KCNU1: variants seen among roughly 807,000 people sequenced by gnomAD.
KCNU1 encodes the protein potassium calcium-activated channel subfamily U member 1, also known as potassium channel subfamily U member 1.
A neutral mutation model predicts 126.8 loss-of-function variants in KCNU1; 93 were observed. The ratio of observed to expected loss-of-function variants is 0.73; its 90% CI spans 0.62 to 0.87. The LOEUF (loss-of-function observed/expected upper bound fraction) is 0.87, where lower values mean the gene tolerates loss of function less well. Among genes scored for constraint, KCNU1 ranks in the 40% least tolerant of loss-of-function variants. KCNU1 has a pLI of 0.00. For missense variants in KCNU1, 1,330 were observed against 1,367.1 expected, an observed-to-expected ratio of 0.97 and a Z score of 0.43; for synonymous variants, 523 against 494.2, an observed-to-expected ratio of 1.06 and a Z score of -0.77.
intron 14 of KCNU1, among the ~76,000 whole-genome samples, chr8:36,838,116 G>C (rs16885489): frequency 2.1e-3 from 324 of 152,290 alleles, no homozygotes; most frequent in African/African-American, 7.5e-3. Flanking sequence ...AGGGTGGAGG[G>C]AATGAGCCTT....
At chr8:36,904,495 T>G (rs1807544590) in intron 19 of KCNU1, among the ~76,000 whole-genome samples, 1 of 152,200 alleles carries the variant, frequency 6.6e-6, no homozygotes, top group East Asian at 1.9e-4. Flanking sequence ...TTTTGCACTT[T>G]GTTGGCTCTT....
At chr8:36,826,535 C>G (rs1804331340) in intron 10 of KCNU1, among the ~76,000 whole-genome samples, 1 of 152,054 alleles carries the variant, frequency 6.6e-6, no homozygotes, top group African/African-American at 2.4e-5. Context: ...CTTACCCTCT[C>G]TTTTGAACTT....
intron 3 of KCNU1, 25 bp downstream of exon 3, chr8:36,804,113 T>C: frequency 2.0e-6 from 3 of 1,471,200 alleles, no homozygotes; most frequent in Non-Finnish European, 2.8e-6. Flanking sequence ...CAGTCACACT[T>C]GTCTGCTATA....
chr8:36,850,736 C>A (rs1456762774), intron 18 of KCNU1, among the ~76,000 whole-genome samples: 2 of 152,204 alleles, frequency 1.3e-5, no homozygotes, highest in South Asian at 2.1e-4. Context: ...GGATTACAGG[C>A]ATGAGCCGAT....
intron 18 of KCNU1, among the ~76,000 whole-genome samples, chr8:36,849,121 C>A (rs1805253181): frequency 6.6e-6 from 1 of 152,148 alleles, no homozygotes; most frequent in Non-Finnish European, 1.5e-5. Flanking sequence ...ACTCTTCCTT[C>A]TCCTCAACCC....
chr8:36,931,277 G>T (rs1808695948), intron 25 of KCNU1, 132 bp downstream of exon 25: 3 of 508,578 alleles, frequency 5.9e-6, no homozygotes, highest in South Asian at 8.7e-5. Context: ...AACAAAAAAA[G>T]AATACAAGTT....
chr8:36,913,843 C>T (rs189545080), intron 22 of KCNU1, among the ~76,000 whole-genome samples: 66 of 152,020 alleles, frequency 4.3e-4, no homozygotes, highest in African/African-American at 1.4e-3. Flanking sequence ...CCTTGTGATC[C>T]GTCTGCCTCG....
rs371296183 is a variant in KCNU1 at position 36,845,660 on chromosome 8, A to C, written c.1784A>C (p.Asp595Ala). 121 of 1,601,532 alleles carry C rather than the reference A, an allele frequency of 7.6e-5. No homozygotes were observed. In the Middle Eastern group the frequency reaches 2.8e-3, roughly 37 times the overall value. ...TTCTTTATTGCTGAAACTCCAAAGG[A>C]CGTCAGAAGGTAATTTTATTATTTT... ...LGFFIAETPK[D>A]VRRALFYCSV... The change falls in exon 17 of 27, where the codon GAC becomes GCC. Residue 595 changes from aspartate (D) to alanine (A), a missense_variant. Physicochemically the swap from Asp to Ala is moderately radical, Grantham distance 126. Transcript: ENST00000399881.
At chr8:36,896,181 A>G (rs1055381412) in intron 19 of KCNU1, among the ~76,000 whole-genome samples, 5 of 151,962 alleles carry the variant, frequency 3.3e-5, no homozygotes, top group Non-Finnish European at 7.4e-5. Context: ...AATATCATCA[A>G]TGAATATTTA....
intron 19 of KCNU1, among the ~76,000 whole-genome samples, chr8:36,874,750 T>C (rs1425960750): frequency 6.6e-6 from 1 of 152,194 alleles, no homozygotes; most frequent in Non-Finnish European, 1.5e-5. Flanking sequence ...ATTTATACCT[T>C]TTAAAATAAA....
chr8:36,897,362 C>G (rs1230973560), intron 19 of KCNU1, among the ~76,000 whole-genome samples: 1 of 151,878 alleles, frequency 6.6e-6, no homozygotes, highest in Non-Finnish European at 1.5e-5. Context: ...ATGGCTGCAA[C>G]TAAGTACAAA....
intron 2 of KCNU1, among the ~76,000 whole-genome samples, chr8:36,794,051 C>G (rs1312274763): frequency 4.7e-5 from 5 of 106,984 alleles, no homozygotes; most frequent in Non-Finnish European, 8.6e-5. Context: ...GAGACTCTGT[C>G]TCTCAAAAAA....
Position 36,821,360 on chromosome 8 carries a change from C to T in KCNU1, c.1106+3600C>T, listed in dbSNP as rs571703551. 6.8e-4 allele frequency among the ~76,000 whole-genome samples: 104 copies of T among 152,322 alleles called. 1 individual carries two copies. Among genetic ancestry groups the T allele is most frequent in the African/African-American group, 2.5e-3 (102 of 41,584 alleles). ...TCAGTGCCCTCCGTTACAACCCCTA[C>T]CACTTTTGATGGGGCTTGCCTGTTG... On this transcript the variant is annotated intron_variant, in intron 10 of 26. Transcript: ENST00000399881.
At chr8:36,807,948 C>T (rs1347746096) in intron 6 of KCNU1, among the ~76,000 whole-genome samples, 1 of 152,160 alleles carries the variant, frequency 6.6e-6, no homozygotes, top group Non-Finnish European at 1.5e-5. Flanking sequence ...ACAATAAGAA[C>T]ACAATCCAAA....
Position 36,935,746 on chromosome 8 carries a change from C to G in KCNU1, c.3276C>G (p.Tyr1092Ter), listed in dbSNP as rs1228302087. 1 of 1,613,298 alleles carries G rather than the reference C, an allele frequency of 6.2e-7. No homozygotes were observed. The highest frequency in any genetic ancestry group is 1.3e-5 in the African/African-American group (1 of 74,868). ...TETLYSPVYS[Y>*]QPRTNSLSFP... ...CATTGTATTCACCAGTCTATTCTTA[C>G]CAGCCGAGAACTAACTCCCTCTCTT... Residue 1092 changes from tyrosine to a stop codon, truncating the protein, a stop_gained, in exon 27 of 27, where the codon TAC becomes TAG. Transcript: ENST00000399881. LOFTEE classifies it low-confidence loss of function (END_TRUNC).
intron 24 of KCNU1, among the ~76,000 whole-genome samples, chr8:36,929,387 C>CAAAAAAAAAAAAAAAAAAAAAAAAAAA (rs35835813): frequency 1.0e-5 from 1 of 99,306 alleles, no homozygotes; most frequent in African/African-American, 3.9e-5. Context: ...GACCCTGTCT[C>CAAAAAAAAAAAAAAAAAAAAAAAAAAA]AAAAAAAAAA....
At position 36,784,419 on chromosome 8, in the gene KCNU1, G is replaced by A. The variant is rs972794580; in HGVS notation, c.9G>A (p.Gln3=). 2 of 1,612,062 alleles carry A rather than the reference G, an allele frequency of 1.2e-6. No homozygotes were observed. Among genetic ancestry groups the A allele is most frequent in the East Asian group, 2.2e-5 (1 of 44,864 alleles). Residue 3 remains glutamine (Q), a synonymous_variant, in exon 1 of 27, where the codon CAG becomes CAA. Coordinates refer to ENST00000399881, the MANE Select transcript of KCNU1 (RefSeq NM_001031836.3). ...CTACTGATGTCTCGAACATGTTTCA[G>A]ACTAAGCTACGAAATGAAACTTGGG... MF[Q]TKLRNETWED...
At chr8:36,904,868 GAGA>G (rs935771756) in intron 19 of KCNU1, among the ~76,000 whole-genome samples, 7 of 152,134 alleles carry the variant, frequency 4.6e-5, no homozygotes, top group Non-Finnish European at 7.4e-5. Context: ...TAGTGTAGGT[GAGA>G]AGAAGTAAGC....
At chr8:36,868,822 T>C (rs1806001341) in intron 19 of KCNU1, among the ~76,000 whole-genome samples, 1 of 152,132 alleles carries the variant, frequency 6.6e-6, no homozygotes, top group Admixed American at 6.6e-5. Flanking sequence ...AGGGATCACA[T>C]GATATAAGAG....
Sources: gnomAD v4.1 joint callset for allele counts (sites outside exome capture counted in the v4.1 genomes callset) on GRCh38, gnomAD v4.1.1 for gene constraint, MANE v1.5 for transcripts, NCBI Gene and HGNC (gene_info 2026-07-23, HGNC 2026-07-21) for gene names.